PCSK5: variants seen among roughly 807,000 people sequenced by gnomAD.
The protein encoded by PCSK5 is proprotein convertase subtilisin/kexin type 5.
A neutral mutation model predicts 233.2 loss-of-function variants in PCSK5; 129 were observed. The observed-to-expected ratio is 0.55, with a 90% confidence interval of 0.48 to 0.64. The LOEUF is 0.64. Ranked by LOEUF, PCSK5 falls within the 30% of genes least tolerant of loss-of-function variation. The pLI, the probability that PCSK5 is intolerant of heterozygous loss-of-function variation, is 0.00. For synonymous variants in PCSK5, 825 were observed against 879.2 expected, an observed-to-expected ratio of 0.94 and a Z score of 1.09; for missense variants, 2,076 against 2,430.1, an observed-to-expected ratio of 0.85 and a Z score of 3.06.
intron 24 of PCSK5, among the ~76,000 whole-genome samples, chr9:76,262,602 C>T (rs1390015241): frequency 6.6e-6 from 1 of 150,544 alleles, no homozygotes; most frequent in Non-Finnish European, 1.5e-5. Context: ...GGATCCCTTC[C>T]TTACACCTTA....
rs191892050 is a variant in PCSK5 at position 76,032,150 on chromosome 9, A to C, written c.632+5113A>C. On this transcript the variant is annotated intron_variant, in intron 5 of 37. Transcript: ENST00000674117. ...GTGAGGAATTTGTAATTATCATCAG[A>C]ATAAGGAAGTTGAGGCATGTGCTAT... Among the ~76,000 whole-genome samples, 184 of 152,298 alleles carry C rather than the reference A, an allele frequency of 1.2e-3. 1 individual carries two copies. Among genetic ancestry groups the C allele is most frequent in the African/African-American group, 4.2e-3 (173 of 41,550 alleles).
chr9:76,059,985 TA>T (rs1829967718), intron 5 of PCSK5, among the ~76,000 whole-genome samples: 1 of 152,162 alleles, frequency 6.6e-6, no homozygotes, highest in African/African-American at 2.4e-5. Flanking sequence ...AGTAAAAAGT[TA>T]TTTTCTGAAG....
intron 2 of PCSK5, among the ~76,000 whole-genome samples, chr9:75,952,345 A>G (rs11144695): frequency 0.043 from 6,506 of 152,300 alleles, 177 homozygotes; most frequent in African/African-American, 0.064. Context: ...CTCATCGCAC[A>G]AATTTCCCTT....
In PCSK5 at chr9:76,238,945, C is replaced by T. The variant is rs748269158; in HGVS notation, c.2867-14C>T. ...TACATTTTCCCTCTTTTCGTTGCCCCTGTAACTGATCAGACAACTATGGCC... is the reference window on the plus strand; with the variant it reads ...TACATTTTCCCTCTTTTCGTTGCCCTTGTAACTGATCAGACAACTATGGCC... On this transcript the variant is annotated splice_polypyrimidine_tract_variant and intron_variant, in intron 22 of 37. Transcript: ENST00000674117. 23 of 1,600,456 alleles carry T rather than the reference C, an allele frequency of 1.4e-5. No homozygotes were observed. In the Admixed American group the frequency reaches 3.5e-4, roughly 24 times the overall value.
At chr9:76,095,311 C>G (rs1014351133) in intron 7 of PCSK5, among the ~76,000 whole-genome samples, 1 of 152,176 alleles carries the variant, frequency 6.6e-6, no homozygotes, top group Non-Finnish European at 1.5e-5. Flanking sequence ...GGCATAACCT[C>G]TCTATACCTC....
At chr9:76,222,719 T>G (rs1342213382) in intron 20 of PCSK5, among the ~76,000 whole-genome samples, 1 of 152,214 alleles carries the variant, frequency 6.6e-6, no homozygotes, top group Admixed American at 6.5e-5. Flanking sequence ...CTTAAAGATG[T>G]TGCAGTCTCA....
intron 1 of PCSK5, among the ~76,000 whole-genome samples, chr9:75,915,740 G>A (rs1435009228): frequency 6.6e-6 from 1 of 152,170 alleles, no homozygotes; most frequent in African/African-American, 2.4e-5. Context: ...CATTTATGCA[G>A]ATATGAGGAA....
intron 9 of PCSK5, among the ~76,000 whole-genome samples, chr9:76,110,054 C>T (rs1026131883): frequency 6.6e-6 from 1 of 152,166 alleles, no homozygotes. Flanking sequence ...TCTCCTCTTA[C>T]ACTATTGCTT....
chr9:76,083,162 T>C (rs1830916466), intron 7 of PCSK5, among the ~76,000 whole-genome samples: 1 of 137,104 alleles, frequency 7.3e-6, no homozygotes, highest in African/African-American at 2.8e-5. Flanking sequence ...TGAGCTGAAA[T>C]TGGGCCATTG....
At chr9:76,212,422 G>A (rs1471511211) in intron 20 of PCSK5, among the ~76,000 whole-genome samples, 2 of 152,210 alleles carry the variant, frequency 1.3e-5, no homozygotes, top group Non-Finnish European at 2.9e-5. Context: ...GTTAGAGAAA[G>A]AACACAGCCA....
intron 2 of PCSK5, among the ~76,000 whole-genome samples, chr9:75,973,531 A>C (rs866409570): frequency 2.6e-5 from 4 of 152,198 alleles, no homozygotes; most frequent in African/African-American, 9.7e-5. Context: ...GCAAGGCACT[A>C]GCATAGCCAC....
chr9:76,065,373 A>G (rs942130680), intron 5 of PCSK5, among the ~76,000 whole-genome samples: 5 of 152,124 alleles, frequency 3.3e-5, no homozygotes, highest in African/African-American at 1.2e-4. Context: ...CCAGGGTAAG[A>G]TATCTCGTGG....
chr9:75,967,509 A>G (rs764507840), intron 2 of PCSK5, among the ~76,000 whole-genome samples: 2 of 152,220 alleles, frequency 1.3e-5, no homozygotes, highest in Non-Finnish European at 2.9e-5. Context: ...GGAAGCAGCT[A>G]TGATGTACCT....
intron 24 of PCSK5, among the ~76,000 whole-genome samples, chr9:76,289,143 T>C (rs1828183317): frequency 6.6e-6 from 1 of 151,762 alleles, no homozygotes; most frequent in Non-Finnish European, 1.5e-5. Context: ...CCCCACCCCA[T>C]ACAAATGAGA....
intron 35 of PCSK5, among the ~76,000 whole-genome samples, chr9:76,344,030 ACT>A (rs1829909186): frequency 6.6e-6 from 1 of 152,214 alleles, no homozygotes. Flanking sequence ...ACATAAAATT[ACT>A]GAGATGTTTT....
chr9:76,101,916 A>G (rs1305236397), intron 8 of PCSK5, among the ~76,000 whole-genome samples: 4 of 152,180 alleles, frequency 2.6e-5, no homozygotes, highest in Non-Finnish European at 5.9e-5. Context: ...ATTCTCTGTC[A>G]TCTCTCCATT....
intron 3 of PCSK5, among the ~76,000 whole-genome samples, chr9:76,008,450 A>G (rs1306000989): frequency 6.7e-6 from 1 of 150,016 alleles, no homozygotes; most frequent in African/African-American, 2.5e-5. Flanking sequence ...AGAACACTGC[A>G]TATTTCCTTC....
At chr9:76,198,095 C>T (rs1200468191) in intron 20 of PCSK5, among the ~76,000 whole-genome samples, 1 of 152,206 alleles carries the variant, frequency 6.6e-6, no homozygotes, top group Admixed American at 6.5e-5. Context: ...AGCCTCACTA[C>T]GTTTCAGCGG....
intron 17 of PCSK5, among the ~76,000 whole-genome samples, chr9:76,185,087 A>T (rs1411383884): frequency 6.6e-6 from 1 of 152,220 alleles, no homozygotes; most frequent in Admixed American, 6.5e-5. Context: ...TTTGCAGGTA[A>T]TACCAATGAA....
Sources: gnomAD v4.1 joint callset for allele counts (sites outside exome capture counted in the v4.1 genomes callset) on GRCh38, gnomAD v4.1.1 for gene constraint, MANE v1.5 for transcripts, NCBI Gene and HGNC (gene_info 2026-07-23, HGNC 2026-07-21) for gene names.